Variants in BCOR observed in about 807,000 individuals in gnomAD.
BCOR encodes the protein BCL6 corepressor, also known as BCL-6 corepressor.
Under a neutral mutation model 86.7 loss-of-function variants are expected in BCOR, and 10 were observed. The observed-to-expected ratio is 0.12, with a 90% confidence interval of 0.07 to 0.20. The LOEUF (loss-of-function observed/expected upper bound fraction) is 0.20, where lower values mean the gene tolerates loss of function less well. Among genes scored for constraint, BCOR ranks in the 10% least tolerant of loss-of-function variants. BCOR has a pLI of 1.00. For synonymous variants in BCOR, 611 were observed against 609.0 expected, an observed-to-expected ratio of 1.00 and a Z score of -0.05; for missense variants, 1,259 against 1,452.1, an observed-to-expected ratio of 0.87 and a Z score of 2.16.
intron 1 of BCOR, among the ~76,000 whole-genome samples, chrX:40,137,976 G>C (rs1303588802): frequency 5.4e-5 from 6 of 110,779 alleles, no homozygotes; most frequent in African/African-American, 1.6e-4. Flanking sequence ...TTTTAAGACA[G>C]AGTTTCACTC....
At chrX:40,061,676 TC>T (rs1206126409) in intron 10 of BCOR, among the ~76,000 whole-genome samples, 1 of 49,615 alleles carries the variant, frequency 2.0e-5, no homozygotes, top group Non-Finnish European at 3.5e-5. Context: ...CCCACCCCCC[TC>T]CCTCTGTGAC....
rs143387051 is a variant in BCOR, at chrX:40,065,753, G to A, written c.3239-1154C>T. Among the ~76,000 whole-genome samples, 606 of 111,881 alleles carry A rather than the reference G, an allele frequency of 5.4e-3. 4 individuals are homozygous for A. The highest frequency in any genetic ancestry group is 0.017 in the African/African-American group (534 of 30,755). ...GCTGAAATGATCCCTCTCATCACCAGGGTTATGAGTCTGGTGTCTTGGTAA... is the reference window on the plus strand; with the variant it reads ...GCTGAAATGATCCCTCTCATCACCAAGGTTATGAGTCTGGTGTCTTGGTAA... On this transcript the variant is annotated intron_variant, in intron 6 of 14. Coordinates refer to ENST00000378444, the MANE Select transcript of BCOR (RefSeq NM_001123385.2).
chrX:40,147,986 G>A (rs1457403255), intron 1 of BCOR, among the ~76,000 whole-genome samples: 1 of 110,466 alleles, frequency 9.1e-6, no homozygotes, highest in African/African-American at 3.4e-5. Context: ...TAGCGGGTTT[G>A]AGGAGCTCGG....
At chrX:40,124,169 C>T (rs1282583373) in intron 1 of BCOR, among the ~76,000 whole-genome samples, 2 of 111,612 alleles carry the variant, frequency 1.8e-5, no homozygotes, top group Non-Finnish European at 3.8e-5. Context: ...CAGGGTGGCT[C>T]ATGCCTATAA....
At position 40,052,554 on chromosome X, in the gene BCOR, C is replaced by CTTT. The variant is rs1569138726; in HGVS notation, c.4977-155_4977-154insAAA. 1.5e-4 allele frequency among the ~76,000 whole-genome samples: 14 copies of CTTT among 91,838 alleles called. 2 individuals carry two copies. The East Asian group carries it at 2.6e-3, about 17-fold the overall frequency. 79.8% of individuals were successfully genotyped at this position (91,838 alleles called of 115,157 possible). On this transcript the variant is annotated intron_variant, in intron 14 of 14. Transcript: ENST00000378444. ...CTCACCATACCTACTCTCTGATCAC[C>CTTT]ATTTTTTTTTTTTTTTTTTTTTTTT...
intron 4 of BCOR, 37 bp from the exon 5 acceptor site, chrX:40,071,727 G>A: frequency 9.8e-7 from 1 of 1,020,119 alleles, no homozygotes; most frequent in Non-Finnish European, 1.4e-6. Context: ...GGATCATTTA[G>A]ATAACTTCAT....
At chrX:40,126,474 G>A (rs748312498) in intron 1 of BCOR, among the ~76,000 whole-genome samples, 20 of 105,197 alleles carry the variant, frequency 1.9e-4, no homozygotes, top group African/African-American at 5.8e-4. Context: ...GCAGTGAGCC[G>A]AGATCGTGCC....
chrX:40,146,729 C>T (rs1462442010), intron 1 of BCOR: 1 of 112,195 alleles, frequency 8.9e-6, no homozygotes, highest in Non-Finnish European at 1.9e-5. Flanking sequence ...GCCCTGCGGG[C>T]GCCTCGGGGT....
intron 1 of BCOR, among the ~76,000 whole-genome samples, chrX:40,144,705 A>T (rs1334292071): frequency 9.0e-6 from 1 of 111,128 alleles, no homozygotes; most frequent in African/African-American, 3.3e-5. Flanking sequence ...TTTAGCCAGG[A>T]TTCCTCTTGC....
intron 5 of BCOR, 104 bp downstream of exon 5, chrX:40,071,533 T>A: frequency 1.7e-6 from 1 of 596,453 alleles, no homozygotes; most frequent in South Asian, 2.6e-5. Flanking sequence ...ACACAATGAA[T>A]AAAGACGACC....
chrX:40,133,431 C>T (rs1210836041), intron 1 of BCOR, among the ~76,000 whole-genome samples: 1 of 105,918 alleles, frequency 9.4e-6, no homozygotes, highest in Non-Finnish European at 1.9e-5. Context: ...CCACCGCCCC[C>T]GGCCATCTAC....
Position 40,097,368 on chromosome X carries a change from G to A in BCOR, c.-194C>T, listed in dbSNP as rs1473622471. On this transcript the variant is annotated 5_prime_UTR_variant, in exon 1 of 15. Transcript: ENST00000378444. The stretch of plus-strand genomic sequence containing the variant: ...TGGGGGGGGTTGGCGACGTTAACGA[G>A]CGGAGAAGGAGCCGGGCCGGAGAAG... The A allele has an allele frequency of 9.0e-6, 1 of 110,588 alleles. No individual in the cohort carries two copies. Among genetic ancestry groups the A allele is most frequent in the Non-Finnish European group, 1.9e-5 (1 of 52,388 alleles). The allele number at this position is 110,588 out of a possible 1,213,427, so 9.1% of individuals were successfully genotyped here.
chrX:40,105,313 G>A (rs1400504736), intron 1 of BCOR, among the ~76,000 whole-genome samples: 15 of 111,488 alleles, frequency 1.3e-4, no homozygotes, highest in Non-Finnish European at 9.5e-5. Flanking sequence ...GCAGCCAGGG[G>A]AGGGTGCTCC....
intron 14 of BCOR, 28 bp downstream of exon 14, chrX:40,053,858 T>C: frequency 1.7e-6 from 2 of 1,208,615 alleles, no homozygotes; most frequent in Non-Finnish European, 2.2e-6. Flanking sequence ...GCTCAGCTAG[T>C]TTTCAATCAC....
chrX:40,055,387 A>G lies in BCOR; in HGVS notation c.4722T>C (p.Leu1574=). 2.5e-6 allele frequency: 3 copies of G among 1,211,115 alleles called. No homozygotes were observed. The highest frequency in any genetic ancestry group is 3.0e-5 in the East Asian group (1 of 33,847). The change falls in exon 12 of 15, where the codon CTT becomes CTC. Residue 1574 remains leucine (L), a synonymous_variant. Coordinates refer to ENST00000378444, the MANE Select transcript of BCOR (RefSeq NM_001123385.2). ...RTIMKMTHSE[L]MEKFLTDYLN... is the part of the protein sequence containing the mutation. ...TCATACCTGTTAAGAACTTTTCCAT[A>G]AGTTCACTGTGGGTCATTTTCATGA... is the stretch of plus-strand genomic sequence containing the variant.
chrX:40,167,914 C>T (rs1030392311), intron 1 of BCOR, among the ~76,000 whole-genome samples: 2 of 113,092 alleles, frequency 1.8e-5, no homozygotes, highest in Non-Finnish European at 3.7e-5. Flanking sequence ...TCCACCTGGC[C>T]GGGCCGCGAG....
chrX:40,054,792 C>T (rs1200927689), intron 12 of BCOR, among the ~76,000 whole-genome samples: 2 of 112,918 alleles, frequency 1.8e-5, no homozygotes, highest in East Asian at 2.7e-4. Flanking sequence ...CGTGAGCCAA[C>T]TGTGTCCGGC....
chrX:40,062,487 G>C, intron 9 of BCOR, 94 bp from the exon 10 acceptor site: 1 of 1,074,911 alleles, frequency 9.3e-7, no homozygotes, highest in South Asian at 2.0e-5. Flanking sequence ...AACCTGCGTG[G>C]AGAGAGGCAC....
intron 1 of BCOR, 93 bp from the exon 2 acceptor site, chrX:40,078,062 A>G (rs1346117648): frequency 1.1e-5 from 6 of 552,337 alleles, no homozygotes; most frequent in Non-Finnish European, 1.9e-5. Flanking sequence ...TGATTCATAA[A>G]GGATGCAGAT....
Sources: gnomAD v4.1 joint callset for allele counts (sites outside exome capture counted in the v4.1 genomes callset) on GRCh38, gnomAD v4.1.1 for gene constraint, MANE v1.5 for transcripts, NCBI Gene and HGNC (gene_info 2026-07-23, HGNC 2026-07-21) for gene names.